Variants in NTHL1 observed in about 807,000 individuals in gnomAD.
NTHL1 encodes the protein nth like DNA glycosylase 1.
In NTHL1, 32 loss-of-function variants were observed where a neutral mutation model predicts 32.3. The ratio of observed to expected loss-of-function variants is 0.99; its 90% confidence interval spans 0.75 to 1.33. The LOEUF (loss-of-function observed/expected upper bound fraction) is 1.33, where lower values mean the gene tolerates loss of function less well. NTHL1 is among the 40% of genes most tolerant of loss of function. The probability of loss-of-function intolerance (pLI) is 0.00; values close to 1 mark genes in which losing one functional copy is unlikely to be tolerated. For missense variants in NTHL1, 501 were observed against 414.1 expected (o/e 1.21, Z -1.82); for synonymous variants, 188 against 176.9 (o/e 1.06, Z -0.50).
At chr16:2,040,534 T>G (rs900143527) in intron 4 of NTHL1, 3 of 513,222 alleles carry the variant, frequency 5.8e-6, no homozygotes, top group Non-Finnish European at 1.1e-5. Flanking sequence ...GTGTGGGTGG[T>G]GGGGTCTCTG....
chr16:2,043,141 C>T lies in NTHL1; in HGVS notation c.685+426G>A, dbSNP rs1442455199. ...GTTCCTTCTGCTGGGAACACACTTCCTCCTCTTGGCCTGGCTCACCCCACC... is the reference window on the plus strand; with the variant it reads ...GTTCCTTCTGCTGGGAACACACTTCTTCCTCTTGGCCTGGCTCACCCCACC... On this transcript the variant is annotated intron_variant, in intron 4 of 5. Transcript: ENST00000651570. This position sits in a 1 kb window ranked among gnomAD's most constrained non-coding sequence, Gnocchi z 4.4. Among the ~76,000 whole-genome samples the T allele has an allele frequency of 6.6e-6, 1 of 151,256 alleles. No homozygotes were observed. Among genetic ancestry groups the T allele is most frequent in the Non-Finnish European group, 1.5e-5 (1 of 67,842 alleles).
chr16:2,045,760 G>A (rs980811069), intron 2 of NTHL1, among the ~76,000 whole-genome samples: 1 of 152,156 alleles, frequency 6.6e-6, no homozygotes. Context: ...TTACAGACAA[G>A]CAAACTGAGG....
At position 2,043,501 on chromosome 16, in the gene NTHL1, A is replaced by T; in HGVS notation, c.685+66T>A. On this transcript the variant is annotated intron_variant, in intron 4 of 5. Transcript: ENST00000651570. The surrounding 1 kb of genome is among the most constrained non-coding windows in gnomAD (Gnocchi z 4.4). The stretch of plus-strand genomic sequence containing the variant: ...CATGCTGGAAGTGGAGTCACAGGTC[A>T]CAAGGATGTGGGGAATCCCAAGAGC... 6.3e-7 allele frequency: 1 copy of T among 1,590,432 alleles called. No individual in the cohort carries two copies. Among genetic ancestry groups the T allele is most frequent in the South Asian group, 1.1e-5 (1 of 90,676 alleles).
In NTHL1 at chr16:2,043,600, T is replaced by C. The variant is rs367577861; in HGVS notation, c.652A>G (p.Met218Val). The C allele has an allele frequency of 3.4e-5, 55 of 1,609,582 alleles. No individual in the cohort carries two copies. In the East Asian group the frequency reaches 4.5e-4, roughly 13 times the overall value. Reference protein sequence around the residue: ...GVGPKMAHLAMAVAWGTVSGI... With the variant: ...GVGPKMAHLAVAVAWGTVSGI... ...GACACAGTGCCCCAGGCCACAGCCA[T>C]AGCCAGGTGTGCCATCTTGGGCCCA... Residue 218 changes from methionine to valine, a missense_variant, in exon 4 of 6, where the codon ATG (methionine) becomes GTG (valine). Coordinates refer to ENST00000651570, the MANE Select transcript of NTHL1 (RefSeq NM_002528.7). This position sits in a 1 kb window ranked among gnomAD's most constrained non-coding sequence, Gnocchi z 4.4.
intron 4 of NTHL1, among the ~76,000 whole-genome samples, chr16:2,041,106 G>A (rs867993498): frequency 1.3e-5 from 2 of 152,232 alleles, no homozygotes; most frequent in Non-Finnish European, 1.5e-5. Context: ...TCCTCCTCCC[G>A]TGTTTCCCAA....
At position 2,043,858 on chromosome 16, in the gene NTHL1, G is replaced by GC. The variant is rs1284688689; in HGVS notation, c.526-133dup. The GC allele has an allele frequency of 1.0e-5, 11 of 1,097,050 alleles. No homozygotes were observed. The African/African-American group carries it at 1.2e-4, about 12-fold the overall frequency. 68.0% of individuals were successfully genotyped at this position (1,097,050 alleles called of 1,614,324 possible). On this transcript the variant is annotated intron_variant, in intron 3 of 5. Coordinates refer to ENST00000651570, the MANE Select transcript of NTHL1 (RefSeq NM_002528.7). This position sits in a 1 kb window ranked among gnomAD's most constrained non-coding sequence, Gnocchi z 4.4. ...GAGGACGTGTGCAAGCTCAGCCCCC[G>GC]CCCCCCAGGAGGCGGGAACAAGCGG...
At position 2,040,042 on chromosome 16, in the gene NTHL1, A is replaced by G. The variant is rs763770399; in HGVS notation, c.797T>C (p.Leu266Pro). 8.1e-6 allele frequency: 13 copies of G among 1,612,204 alleles called. No homozygotes were observed. The highest frequency in any genetic ancestry group is 8.5e-7 in the Non-Finnish European group (1 of 1,179,980). Residue 266 changes from leucine (L) to proline (P), a missense_variant, in exon 6 of 6, where the codon CTG (leucine) becomes CCG (proline). Coordinates refer to ENST00000651570, the MANE Select transcript of NTHL1 (RefSeq NM_002528.7). The part of the protein sequence containing the change: ...AALEEWLPRE[L>P]WHEINGLLVG... The stretch of plus-strand genomic sequence containing the variant: ...CAAGAGTCCATTGATCTCGTGCCAC[A>G]GCTCCCTGTGGGGGTGGGGGCTGGG...
intron 4 of NTHL1, 76 bp from the exon 5 acceptor site, chr16:2,040,314 A>T (rs1261228001): frequency 7.4e-7 from 1 of 1,345,992 alleles, no homozygotes; most frequent in Admixed American, 1.7e-5. Flanking sequence ...CCCAGAGGCG[A>T]GTCTGCCACC....
intron 1 of NTHL1, 63 bp from the exon 2 acceptor site, chr16:2,046,429 A>G (rs2084393925): frequency 2.0e-6 from 3 of 1,465,148 alleles, no homozygotes; most frequent in South Asian, 2.4e-5. Context: ...TAGGGGTGCC[A>G]TCCCGCCTGC....
At chr16:2,042,986 C>T (rs1435024544) in intron 4 of NTHL1, among the ~76,000 whole-genome samples, 1 of 122,806 alleles carries the variant, frequency 8.1e-6, no homozygotes, top group East Asian at 2.4e-4. Flanking sequence ...CACCTCCCTC[C>T]CCACCCCACC....
Position 2,044,498 on chromosome 16 carries a change from G to C in NTHL1, c.525+132C>G. On this transcript the variant is annotated intron_variant, in intron 3 of 5. Coordinates refer to ENST00000651570, the MANE Select transcript of NTHL1 (RefSeq NM_002528.7). This position sits in a 1 kb window ranked among gnomAD's most constrained non-coding sequence, Gnocchi z 5.0. ...GCCTCAGGGCCCCACGGCCTGGGGG[G>C]GGCTTCAGGGGGACCCCCCGAGCCT... 8.5e-7 allele frequency: 1 copy of C among 1,174,866 alleles called. No individual in the cohort carries two copies. Among genetic ancestry groups the C allele is most frequent in the Non-Finnish European group, 1.2e-6 (1 of 811,000 alleles). The allele number at this position is 1,174,866 out of a possible 1,614,324, so 72.8% of individuals were successfully genotyped here. A position where few individuals can be genotyped will look rare whatever the true frequency, so the allele number is the denominator to read the frequency against.
At chr16:2,047,250 G>A (rs1177769847) in intron 1 of NTHL1, 2 of 198,950 alleles carry the variant, frequency 1.0e-5, no homozygotes, top group African/African-American at 2.4e-5. Context: ...CCCCCAGCAG[G>A]TCCTCAACGG....
chr16:2,047,375 C>A (rs1349124695), intron 1 of NTHL1: 1 of 381,262 alleles, frequency 2.6e-6, no homozygotes, highest in African/African-American at 2.2e-5. Flanking sequence ...CCCAGCCTCT[C>A]CGAGGACAGC....
At chr16:2,047,509 C>T in intron 1 of NTHL1, 200 bp downstream of exon 1, 1 of 905,578 alleles carries the variant, frequency 1.1e-6, no homozygotes, top group Non-Finnish European at 1.6e-6. Context: ...GCGGAGCGCC[C>T]GAAACCCAGC....
intron 4 of NTHL1, among the ~76,000 whole-genome samples, chr16:2,042,415 G>A (rs1684145971): frequency 6.6e-6 from 1 of 152,154 alleles, no homozygotes; most frequent in South Asian, 2.1e-4. Flanking sequence ...GGGCTGCTGT[G>A]GCTGTTCAGC....
At chr16:2,042,480 T>C (rs1567368648) in intron 4 of NTHL1, among the ~76,000 whole-genome samples, 1 of 152,138 alleles carries the variant, frequency 6.6e-6, no homozygotes, top group Non-Finnish European at 1.5e-5. Flanking sequence ...GTGGCCCTCT[T>C]GCCCACCAGA....
At chr16:2,046,104 T>G in intron 2 of NTHL1, 24 bp downstream of exon 2, 7 of 1,592,146 alleles carry the variant, frequency 4.4e-6, no homozygotes, top group Non-Finnish European at 6.0e-6. Flanking sequence ...GGGGGTCATC[T>G]GGGCAGATGG....
At chr16:2,046,410 A>G in intron 1 of NTHL1, 44 bp from the exon 2 acceptor site, 1 of 1,570,354 alleles carries the variant, frequency 6.4e-7, no homozygotes, top group Non-Finnish European at 8.7e-7. Flanking sequence ...GCCACAGGTG[A>G]AGGTAGGGTA....
chr16:2,041,952 C>T, intron 4 of NTHL1: 1 of 440,562 alleles, frequency 2.3e-6, no homozygotes, highest in South Asian at 1.6e-5. Flanking sequence ...CGGGTTTCAC[C>T]ACGTTGGCCA....
Sources: gnomAD v4.1 joint callset for allele counts (sites outside exome capture counted in the v4.1 genomes callset) on GRCh38, gnomAD v4.1.1 for gene constraint, Gnocchi (gnomAD v3.1) non-coding constraint, MANE v1.5 for transcripts, NCBI Gene and HGNC (gene_info 2026-07-23, HGNC 2026-07-21) for gene names.